The following ZDHHC3 variants were observed in gnomAD, a reference collection of about 807,000 sequenced individuals.
ZDHHC3 encodes palmitoyltransferase ZDHHC3.
ZDHHC3 carries 9 observed loss-of-function variants against 30.6 expected under a neutral mutation model. The observed-to-expected ratio is 0.29, with a 90% CI of 0.18 to 0.51. The LOEUF (loss-of-function observed/expected upper bound fraction) is 0.51, where lower values mean the gene tolerates loss of function less well. Ranked by LOEUF, ZDHHC3 falls within the 20% of genes least tolerant of loss-of-function variation. ZDHHC3 has a pLI of 0.97. For synonymous variants in ZDHHC3, 136 were observed against 140.2 expected (o/e 0.97, Z 0.21); for missense variants, 246 against 384.2 (o/e 0.64, Z 3.01).
At chr3:44,947,696 C>T (rs1703072097) in intron 2 of ZDHHC3, among the ~76,000 whole-genome samples, 1 of 152,196 alleles carries the variant, frequency 6.6e-6, no homozygotes, top group South Asian at 2.1e-4. Flanking sequence ...GGGAGTATGG[C>T]CCTGACTTCT....
At chr3:44,951,674 C>T (rs1321019313) in intron 2 of ZDHHC3, among the ~76,000 whole-genome samples, 2 of 152,172 alleles carry the variant, frequency 1.3e-5, no homozygotes, top group African/African-American at 2.4e-5. Context: ...TCTCCCTGCC[C>T]TTTCATAGCT....
intron 3 of ZDHHC3, among the ~76,000 whole-genome samples, chr3:44,939,381 C>A (rs747837365): frequency 6.6e-6 from 1 of 152,246 alleles, no homozygotes; most frequent in Non-Finnish European, 1.5e-5. Context: ...GATAAGCAGA[C>A]AGTGCAGAGT....
chr3:44,969,126 T>C (rs1315898580), intron 1 of ZDHHC3, among the ~76,000 whole-genome samples: 2 of 152,242 alleles, frequency 1.3e-5, no homozygotes, highest in African/African-American at 2.4e-5. Flanking sequence ...ATGACGGTGA[T>C]ACTCTCATAG....
At position 44,920,856 on chromosome 3, in the gene ZDHHC3, A is replaced by C; in HGVS notation, c.*5833T>G. The C allele has an allele frequency of 5.1e-6, 5 of 985,480 alleles. No homozygotes were observed. Among genetic ancestry groups the C allele is most frequent in the Non-Finnish European group, 6.0e-6 (5 of 829,944 alleles). 61.0% of individuals were successfully genotyped at this position (985,480 alleles called of 1,614,324 possible). On this transcript the variant is annotated 3_prime_UTR_variant, in exon 7 of 7. Transcript: ENST00000424952. ...AGAGGTCTTCAGCAGTAAAGTCGAC[A>C]AACTTTCAGGGAGTGTTGACTTTTG...
intron 6 of ZDHHC3, among the ~76,000 whole-genome samples, chr3:44,927,150 C>T (rs527458549): frequency 2.6e-5 from 4 of 152,252 alleles, no homozygotes; most frequent in African/African-American, 9.6e-5. Flanking sequence ...GCGCGTCTCT[C>T]CAGCCCTGGC....
At chr3:44,951,425 T>C (rs1703438685) in intron 2 of ZDHHC3, among the ~76,000 whole-genome samples, 2 of 152,184 alleles carry the variant, frequency 1.3e-5, no homozygotes, top group South Asian at 4.1e-4. Flanking sequence ...TTCCCCTTAG[T>C]AGGTAGCCCA....
chr3:44,928,921 G>A (rs1276503410), intron 6 of ZDHHC3, among the ~76,000 whole-genome samples: 2 of 152,164 alleles, frequency 1.3e-5, no homozygotes, highest in Non-Finnish European at 2.9e-5. Flanking sequence ...GCTGGGTTAG[G>A]GCACCCTGTC....
chr3:44,935,398 C>G (rs1373309646), intron 3 of ZDHHC3, among the ~76,000 whole-genome samples: 1 of 152,200 alleles, frequency 6.6e-6, no homozygotes, highest in Admixed American at 6.5e-5. Flanking sequence ...GCCTCCCGAA[C>G]AGCTGGGACC....
At position 44,959,305 on chromosome 3, in the gene ZDHHC3, G is replaced by A. The variant is rs912190195; in HGVS notation, c.132C>T (p.Gly44=). Residue 44 remains glycine (G), a synonymous_variant, in exon 2 of 7, where the codon GGC becomes GGT. Coordinates refer to ENST00000424952, the MANE Select transcript of ZDHHC3 (RefSeq NM_001135179.2). This position sits in a 1 kb window ranked among gnomAD's most constrained non-coding sequence, Gnocchi z 4.3. ...GTMWFIRDGC[G]IACAIVTWFL... ...ACCAGGTAACGATGGCACAGGCGAT[G>A]CCACAGCCGTCACGGATAAACCACA... 6 of 1,614,258 alleles carry A rather than the reference G, an allele frequency of 3.7e-6. No individual in the cohort carries two copies. The highest frequency in any genetic ancestry group is 2.7e-5 in the African/African-American group (2 of 75,074).
At chr3:44,966,402 C>G (rs1704955352) in intron 1 of ZDHHC3, among the ~76,000 whole-genome samples, 1 of 152,168 alleles carries the variant, frequency 6.6e-6, no homozygotes, top group Non-Finnish European at 1.5e-5. Flanking sequence ...CTAATTCTTA[C>G]CACAGTTAAA....
intron 3 of ZDHHC3, among the ~76,000 whole-genome samples, chr3:44,941,038 G>T (rs1245551097): frequency 6.6e-6 from 1 of 152,108 alleles, no homozygotes; most frequent in African/African-American, 2.4e-5. Flanking sequence ...GCTCAGAGTC[G>T]AGCTCAGAGC....
chr3:44,965,103 G>C (rs1486373334), intron 1 of ZDHHC3, among the ~76,000 whole-genome samples: 1 of 152,094 alleles, frequency 6.6e-6, no homozygotes, highest in Non-Finnish European at 1.5e-5. Flanking sequence ...GAGGGGCAGT[G>C]TGTGGGAAGT....
rs1266736062 is a variant in ZDHHC3 at position 44,922,029 on chromosome 3, A to G, written c.*4660T>C. ...GGGGCCACTCTGCTTTGCTACGGCA[A>G]TCACACTGCTCAAGTCAGCAAGATG... On this transcript the variant is annotated 3_prime_UTR_variant, in exon 7 of 7. Coordinates refer to ENST00000424952, the MANE Select transcript of ZDHHC3 (RefSeq NM_001135179.2). The G allele has an allele frequency of 7.1e-6, 7 of 985,318 alleles. No homozygotes were observed. The highest frequency in any genetic ancestry group is 6.1e-5 in the Admixed American group (1 of 16,270). 61.0% of individuals were successfully genotyped at this position (985,318 alleles called of 1,614,324 possible). A position where few individuals can be genotyped will look rare whatever the true frequency, so the allele number is the denominator to read the frequency against.
At chr3:44,973,623 T>A (rs1332906352) in intron 1 of ZDHHC3, among the ~76,000 whole-genome samples, 1 of 152,096 alleles carries the variant, frequency 6.6e-6, no homozygotes, top group East Asian at 1.9e-4. Context: ...CATGCCCGGC[T>A]GATTTTGTAT....
intron 3 of ZDHHC3, among the ~76,000 whole-genome samples, chr3:44,944,347 T>C (rs1202380891): frequency 6.6e-6 from 1 of 152,130 alleles, no homozygotes; most frequent in East Asian, 1.9e-4. Context: ...AGTTTCTCCA[T>C]GTTGGTCAGG....
chr3:44,946,647 G>A (rs78897691), intron 2 of ZDHHC3, among the ~76,000 whole-genome samples: 6,007 of 152,272 alleles, frequency 0.039, 159 homozygotes, highest in Middle Eastern at 0.092. Context: ...TTCAAGGGTT[G>A]TCTCGAGGAA....
chr3:44,973,691 C>T lies in ZDHHC3; in HGVS notation c.-25+2242G>A, dbSNP rs566125956. On this transcript the variant is annotated intron_variant, in intron 1 of 6. Coordinates refer to ENST00000424952, the MANE Select transcript of ZDHHC3 (RefSeq NM_001135179.2). Reference sequence around the variant, plus strand: ...CAGGCTGGTCTCAAACTCCCAACCTCAGGTGATCCACCGGCCTCGGCCTCC... The same window carrying T: ...CAGGCTGGTCTCAAACTCCCAACCTTAGGTGATCCACCGGCCTCGGCCTCC... 1.0e-3 allele frequency among the ~76,000 whole-genome samples: 152 copies of T among 152,320 alleles called. 1 individual carries two copies. The highest frequency in any genetic ancestry group is 2.7e-3 in the African/African-American group (112 of 41,584).
intron 1 of ZDHHC3, among the ~76,000 whole-genome samples, chr3:44,964,828 T>C (rs1704795028): frequency 1.3e-5 from 2 of 152,232 alleles, no homozygotes; most frequent in Admixed American, 1.3e-4. Flanking sequence ...GTAATCTATA[T>C]TGAAGTTTTT....
At position 44,966,579 on chromosome 3, in the gene ZDHHC3, A is replaced by C. The variant is rs144228360; in HGVS notation, c.-24-7119T>G. Among the ~76,000 whole-genome samples the C allele has an allele frequency of 4.6e-5, 7 of 152,334 alleles. No homozygotes were observed. In the East Asian group the frequency reaches 1.2e-3, roughly 25 times the overall value. On this transcript the variant is annotated intron_variant, in intron 1 of 6. Coordinates refer to ENST00000424952, the MANE Select transcript of ZDHHC3 (RefSeq NM_001135179.2). ...TAAAAATGTGGTGTTTGTTTCTTTT[A>C]GAACTTCTCACATTTTAGAGTGATA...
Sources: gnomAD v4.1 joint callset for allele counts (sites outside exome capture counted in the v4.1 genomes callset) on GRCh38, gnomAD v4.1.1 for gene constraint, Gnocchi (gnomAD v3.1) non-coding constraint, MANE v1.5 for transcripts, NCBI Gene and HGNC (gene_info 2026-07-23, HGNC 2026-07-21) for gene names.